Variants in WNT5B observed in about 807,000 individuals in gnomAD.
WNT5B encodes protein Wnt-5b.
WNT5B carries 18 observed loss-of-function variants against 36.5 expected under a neutral mutation model. That is an observed-to-expected ratio of 0.49 (90% CI 0.34 to 0.73). The LOEUF (loss-of-function observed/expected upper bound fraction) is 0.73, where lower values mean the gene tolerates loss of function less well. Among genes scored for constraint, WNT5B ranks in the 30% least tolerant of loss-of-function variants. WNT5B has a pLI of 0.01. For synonymous variants in WNT5B, 213 were observed against 212.3 expected, an observed-to-expected ratio of 1.00 and a Z score of -0.03; for missense variants, 424 against 508.4, an observed-to-expected ratio of 0.83 and a Z score of 1.60.
chr12:1,640,189 TTTC>T (rs1450047226), intron 4 of WNT5B, among the ~76,000 whole-genome samples: 1 of 152,212 alleles, frequency 6.6e-6, no homozygotes, highest in African/African-American at 2.4e-5. Context: ...TTTCTTTTCT[TTTC>T]TTCTTTTCTT....
At chr12:1,623,184 G>GGTTTTTTT (rs1272170104) in intron 1 of WNT5B, among the ~76,000 whole-genome samples, 9 of 53,492 alleles carry the variant, frequency 1.7e-4, no homozygotes, top group African/African-American at 5.9e-4. Context: ...AGGGTTTTTT[G>GGTTTTTTT]TTGTTTTTTT....
At position 1,618,059 on chromosome 12, in the gene WNT5B, T is replaced by G. The variant is rs2094529295; in HGVS notation, c.-58+916T>G. 6.6e-6 allele frequency among the ~76,000 whole-genome samples: 1 copy of G among 152,168 alleles called. No individual in the cohort carries two copies. Among genetic ancestry groups the G allele is most frequent in the Admixed American group, 6.5e-5 (1 of 15,272 alleles). ...CAGGAGGCTGAGGTGGGAGGATCGCTTGAGCCCAGGAGTTCGAGGCTGCAG... is the reference window on the plus strand; with the variant it reads ...CAGGAGGCTGAGGTGGGAGGATCGCGTGAGCCCAGGAGTTCGAGGCTGCAG... On this transcript the variant is annotated intron_variant, in intron 1 of 4. Coordinates refer to the WNT5B transcript ENST00000310594. This position sits in a 1 kb window ranked among gnomAD's most constrained non-coding sequence, Gnocchi z 4.1.
chr12:1,631,006 G>T, intron 1 of WNT5B: 1 of 180,622 alleles, frequency 5.5e-6, no homozygotes, highest in South Asian at 1.5e-4. Flanking sequence ...GAGGAACGCC[G>T]CAAGCTCCGC....
chr12:1,637,402 T>C (rs1199928673), intron 3 of WNT5B, among the ~76,000 whole-genome samples: 2 of 152,048 alleles, frequency 1.3e-5, no homozygotes, highest in African/African-American at 4.8e-5. Context: ...ATAATGTGAA[T>C]AGGCAATAAA....
chr12:1,645,585 G>A (rs985008485), intron 4 of WNT5B, among the ~76,000 whole-genome samples: 8 of 152,184 alleles, frequency 5.3e-5, no homozygotes, highest in Non-Finnish European at 1.2e-4. Flanking sequence ...TTGCCTTGCC[G>A]CCCCAGGGTT....
intron 4 of WNT5B, among the ~76,000 whole-genome samples, chr12:1,642,376 GT>G (rs2094577118): frequency 6.6e-6 from 1 of 152,164 alleles, no homozygotes; most frequent in Non-Finnish European, 1.5e-5. Context: ...ATTGTTAGTA[GT>G]TTTTCTCCCA....
chr12:1,636,493 C>T (rs2094561041), intron 3 of WNT5B, among the ~76,000 whole-genome samples: 2 of 98,226 alleles, frequency 2.0e-5, no homozygotes, highest in Middle Eastern at 6.5e-3. Context: ...ATCTGTGTTG[C>T]AGTCTATATA....
chr12:1,622,205 G>A (rs2094534873), intron 1 of WNT5B, among the ~76,000 whole-genome samples: 1 of 151,040 alleles, frequency 6.6e-6, no homozygotes, highest in Non-Finnish European at 1.5e-5. Context: ...CCGCTTCCCG[G>A]GTTCACGCCA....
rs2094555265 is a variant in WNT5B at position 1,633,663 on chromosome 12, G to A, written c.328+758G>A. On this transcript the variant is annotated intron_variant, in intron 3 of 4. Transcript: ENST00000397196. This position sits in a 1 kb window ranked among gnomAD's most constrained non-coding sequence, Gnocchi z 4.8. ...TTGAGAAATCCGGCCCTATTCTACT[G>A]GGTCTTATCCCCAGGGCCATAAAAG... Among the ~76,000 whole-genome samples the A allele has an allele frequency of 6.6e-6, 1 of 152,152 alleles. No homozygotes were observed. The highest frequency in any genetic ancestry group is 2.4e-5 in the African/African-American group (1 of 41,416).
At chr12:1,638,388 C>T (rs2094566309) in intron 3 of WNT5B, among the ~76,000 whole-genome samples, 2 of 152,232 alleles carry the variant, frequency 1.3e-5, no homozygotes, top group African/African-American at 4.8e-5. Flanking sequence ...AACCTTGTGA[C>T]TGTTAGCCTT....
In WNT5B at chr12:1,632,544, G is replaced by T. The variant is rs35177332; in HGVS notation, c.81-114G>T. The T allele has an allele frequency of 0.064, 92,649 of 1,441,700 alleles. 3,238 individuals are homozygous for T. The highest frequency in any genetic ancestry group is 0.071 in the South Asian group (5,014 of 70,902). 89.3% of individuals were successfully genotyped at this position (1,441,700 alleles called of 1,614,324 possible). ...TGATTTACTAATTTTTCTTTCCAGG[G>T]CCTTGTACACAGGGACGCATTCAAT... On this transcript the variant is annotated intron_variant, in intron 2 of 4. Coordinates refer to ENST00000397196, the MANE Select transcript of WNT5B (RefSeq NM_032642.3). The surrounding 1 kb of genome is among the most constrained non-coding windows in gnomAD (Gnocchi z 5.8).
At chr12:1,624,664 A>C (rs937296668), upstream of WNT5B, among the ~76,000 whole-genome samples, 1 of 152,176 alleles carries the variant, frequency 6.6e-6, no homozygotes, top group East Asian at 1.9e-4. Context: ...AATACTAGCT[A>C]TTGTCACTGG....
rs74061309 is a variant in WNT5B, at chr12:1,631,178, T to G, written c.-57-120T>G. On this transcript the variant is annotated intron_variant, in intron 1 of 4. Transcript: ENST00000397196. ...GCGGAGGCTGGAAAGAGGCCGAGCT[T>G]CTTTGTGGGGAACACGCAGCACGTA... 7 of 886,098 alleles carry G rather than the reference T, an allele frequency of 7.9e-6. No individual in the cohort carries two copies. In the African/African-American group the frequency reaches 8.4e-5, roughly 11 times the overall value. 54.9% of individuals were successfully genotyped at this position (886,098 alleles called of 1,614,324 possible). A position where few individuals can be genotyped will look rare whatever the true frequency, so the allele number is the denominator to read the frequency against.
In WNT5B at chr12:1,640,045, G is replaced by A. The variant is rs187847828; in HGVS notation, c.621+69G>A. Reference sequence around the variant, plus strand: ...GGGCTGTTCCCGGGCTGTGCCACCAGCCGTGGCCTGGCCTTCAAGGAAACG... The same window carrying A: ...GGGCTGTTCCCGGGCTGTGCCACCAACCGTGGCCTGGCCTTCAAGGAAACG... On this transcript the variant is annotated intron_variant, in intron 4 of 4. Transcript: ENST00000397196. 1,787 of 1,516,220 alleles carry A rather than the reference G, an allele frequency of 1.2e-3. 4 individuals are homozygous for A. The highest frequency in any genetic ancestry group is 1.2e-3 in the Non-Finnish European group (1,407 of 1,136,288). The allele number at this position is 1,516,220 out of a possible 1,614,324, so 93.9% of individuals were successfully genotyped here. A position where few individuals can be genotyped will look rare whatever the true frequency, so the allele number is the denominator to read the frequency against.
chr12:1,634,680 C>T (rs141996233), intron 3 of WNT5B, among the ~76,000 whole-genome samples: 2 of 152,188 alleles, frequency 1.3e-5, no homozygotes, highest in Non-Finnish European at 2.9e-5. Context: ...CTTCCTCCCC[C>T]CTGAGCCCAG....
rs1228543278 is a variant in WNT5B at position 1,639,879 on chromosome 12, T to C, written c.524T>C (p.Phe175Ser). The change falls in exon 4 of 5, where the codon TTT (phenylalanine) becomes TCT (serine). Residue 175 changes from phenylalanine (F) to serine (S), a missense_variant. Coordinates refer to ENST00000397196, the MANE Select transcript of WNT5B (RefSeq NM_032642.3). ...TACGGCTACCGCTTCGCCAAGGAGT[T>C]TGTGGATGCCCGGGAGCGAGAGAAG... ...VEYGYRFAKE[F>S]VDAREREKNF... 3 of 1,613,904 alleles carry C rather than the reference T, an allele frequency of 1.9e-6. No homozygotes were observed. Among genetic ancestry groups the C allele is most frequent in the Non-Finnish European group, 2.5e-6 (3 of 1,179,940 alleles).
chr12:1,631,241 T>C (rs1481613568), intron 1 of WNT5B, 57 bp from the exon 2 acceptor site: 3 of 1,482,982 alleles, frequency 2.0e-6, no homozygotes, highest in East Asian at 4.6e-5. Flanking sequence ...CCCCGGCTCC[T>C]GGTCTGCCCT....
chr12:1,634,378 T>C (rs2094556624), intron 3 of WNT5B, among the ~76,000 whole-genome samples: 1 of 152,212 alleles, frequency 6.6e-6, no homozygotes, highest in Non-Finnish European at 1.5e-5. Context: ...TTAATGTTTA[T>C]TGAAGACCTA....
At chr12:1,645,196 G>T (rs1032655222) in intron 4 of WNT5B, 1 of 152,346 alleles carries the variant, frequency 6.6e-6, no homozygotes, top group Admixed American at 6.5e-5. Flanking sequence ...TCTGACTTGT[G>T]CTCCTATTAC....
Sources: gnomAD v4.1 joint callset for allele counts (sites outside exome capture counted in the v4.1 genomes callset) on GRCh38, gnomAD v4.1.1 for gene constraint, Gnocchi (gnomAD v3.1) non-coding constraint, MANE v1.5 for transcripts, NCBI Gene and HGNC (gene_info 2026-07-23, HGNC 2026-07-21) for gene names.